The following GABPB1 variants were observed in gnomAD, a reference collection of about 807,000 sequenced individuals.
GABPB1 encodes GA binding protein transcription factor subunit beta 1.
GABPB1 carries 15 observed loss-of-function variants against 45.9 expected under a neutral mutation model. The ratio of observed to expected loss-of-function variants is 0.33; its 90% CI spans 0.22 to 0.50. The LOEUF is 0.50. Among genes scored for constraint, GABPB1 ranks in the 20% least tolerant of loss-of-function variants. The pLI is 0.98. For missense variants in GABPB1, 252 were observed against 457.5 expected (o/e 0.55, Z 4.10); for synonymous variants, 143 against 154.4 (o/e 0.93, Z 0.55).
chr15:50,307,350 G>A (rs951551521), intron 2 of GABPB1, among the ~76,000 whole-genome samples: 2 of 151,958 alleles, frequency 1.3e-5, no homozygotes, highest in African/African-American at 2.4e-5. Context: ...CTTTCTCCTT[G>A]GTAAAGCACC....
In GABPB1 at chr15:50,320,054, G is replaced by A. The variant is rs147915892; in HGVS notation, c.1-10256C>T. On this transcript the variant is annotated intron_variant, in intron 1 of 8. Transcript: ENST00000380877. Reference sequence around the variant, plus strand: ...CTTTTTAAACAAAAACACACAAAGGGGTCAGGCGGGTGGGCAAAAATAAAA... The same window carrying A: ...CTTTTTAAACAAAAACACACAAAGGAGTCAGGCGGGTGGGCAAAAATAAAA... Among the ~76,000 whole-genome samples, 700 of 152,096 alleles carry A rather than the reference G, an allele frequency of 4.6e-3. 7 individuals are homozygous for A. The highest frequency in any genetic ancestry group is 0.016 in the African/African-American group (675 of 41,472).
chr15:50,350,334 C>T lies in GABPB1; in HGVS notation c.-1+4651G>A, dbSNP rs536037442. 14 of 148,088 alleles carry T rather than the reference C, an allele frequency of 9.5e-5. 1 individual carries two copies. The highest frequency in any genetic ancestry group is 3.5e-4 in the African/African-American group (14 of 39,866). The allele number at this position is 148,088 out of a possible 1,614,324, so 9.2% of individuals were successfully genotyped here. ...ACCGTGGGGCTTAAAGGCATTAATA[C>T]ACAGCTTTTATAATCAACAATACTG... is the stretch of plus-strand genomic sequence containing the variant. On this transcript the variant is annotated intron_variant, in intron 1 of 8. Transcript: ENST00000380877.
chr15:50,353,753 A>G (rs978619977), intron 1 of GABPB1: 5 of 152,306 alleles, frequency 3.3e-5, no homozygotes, highest in African/African-American at 1.2e-4. Context: ...AAGAATGACC[A>G]CTAACTTCTG....
At chr15:50,281,482 A>G (rs955605001) in intron 8 of GABPB1, among the ~76,000 whole-genome samples, 182 of 152,300 alleles carry the variant, frequency 1.2e-3, no homozygotes, top group Non-Finnish European at 1.7e-3. Context: ...AAGTGCTAGG[A>G]TTACAGGCGT....
At position 50,309,679 on chromosome 15, in the gene GABPB1, A is replaced by T; in HGVS notation, c.108+12T>A. On this transcript the variant is annotated intron_variant, in intron 2 of 8. Transcript: ENST00000380877. ...AGGAAAAAGAACACACAATATTAAA[A>T]TCATTCTTTACCCAGTCTGTAGTAA... is the stretch of plus-strand genomic sequence containing the variant. 1 of 1,453,874 alleles carries T rather than the reference A, an allele frequency of 6.9e-7. No homozygotes were observed. The highest frequency in any genetic ancestry group is 9.6e-7 in the Non-Finnish European group (1 of 1,036,784). The allele number at this position is 1,453,874 out of a possible 1,614,324, so 90.1% of individuals were successfully genotyped here. A position where few individuals can be genotyped will look rare whatever the true frequency, so the allele number is the denominator to read the frequency against.
At chr15:50,291,777 G>T (rs968337201) in intron 6 of GABPB1, among the ~76,000 whole-genome samples, 1 of 151,974 alleles carries the variant, frequency 6.6e-6, no homozygotes, top group Non-Finnish European at 1.5e-5. Context: ...AATTAGCCAG[G>T]TTTGGTGTTT....
intron 1 of GABPB1, among the ~76,000 whole-genome samples, chr15:50,316,785 T>G (rs532750586): frequency 1.3e-5 from 2 of 152,210 alleles, no homozygotes; most frequent in South Asian, 4.1e-4. Context: ...AATGGAATAC[T>G]GTAGTGATTT....
rs1257732446 is a variant in GABPB1, at chr15:50,315,580, T to A, written c.1-5782A>T. ...AAAATCAAAGGTCCTCTGATTTTCT[T>A]GTCAAGATAATTAGTAAAGTTTTAA... On this transcript the variant is annotated intron_variant, in intron 1 of 8. Transcript: ENST00000380877. Among the ~76,000 whole-genome samples, 6 of 152,256 alleles carry A rather than the reference T, an allele frequency of 3.9e-5. No homozygotes were observed. The East Asian group carries it at 1.2e-3, about 29-fold the overall frequency.
intron 8 of GABPB1, among the ~76,000 whole-genome samples, chr15:50,285,061 T>C (rs993972857): frequency 1.3e-5 from 2 of 152,222 alleles, no homozygotes; most frequent in Non-Finnish European, 2.9e-5. Flanking sequence ...GGGTATTTTC[T>C]CATTGTCTTT....
intron 7 of GABPB1, among the ~76,000 whole-genome samples, 198 bp downstream of exon 7, chr15:50,289,281 CAAAT>C (rs1173501467): frequency 2.0e-5 from 3 of 151,984 alleles, no homozygotes; most frequent in Admixed American, 1.3e-4. Context: ...TTAGCCTAAG[CAAAT>C]AAAATTAGGT....
intron 1 of GABPB1, among the ~76,000 whole-genome samples, chr15:50,322,337 T>C (rs952049145): frequency 9.2e-5 from 14 of 151,508 alleles, no homozygotes; most frequent in African/African-American, 3.4e-4. Flanking sequence ...GAGGATAACT[T>C]GAGGTCAGGA....
intron 1 of GABPB1, among the ~76,000 whole-genome samples, chr15:50,328,650 T>C (rs2047854192): frequency 1.3e-5 from 2 of 152,204 alleles, no homozygotes; most frequent in South Asian, 4.1e-4. Context: ...TGTAAAGTTA[T>C]ATTCTTTTAG....
intron 1 of GABPB1, among the ~76,000 whole-genome samples, chr15:50,342,986 G>A (rs1048873702): frequency 7.3e-5 from 11 of 151,406 alleles, no homozygotes; most frequent in African/African-American, 2.2e-4. Flanking sequence ...CTGCAAGTCC[G>A]CCTCCCGGGT....
chr15:50,329,391 C>T lies in GABPB1; in HGVS notation c.1-19593G>A, dbSNP rs1440525442. Among the ~76,000 whole-genome samples, 6 of 152,250 alleles carry T rather than the reference C, an allele frequency of 3.9e-5. No individual in the cohort carries two copies. The East Asian group carries it at 9.6e-4, about 24-fold the overall frequency. ...TGTGCTTAGCTTCTTTGATTTTATA[C>T]TTGTATCTCTATTGATTCGTAATCA... On this transcript the variant is annotated intron_variant, in intron 1 of 8. Coordinates refer to ENST00000380877, the MANE Select transcript of GABPB1 (RefSeq NM_016654.5).
chr15:50,326,158 C>T (rs1424453387), intron 1 of GABPB1, among the ~76,000 whole-genome samples: 1 of 151,852 alleles, frequency 6.6e-6, no homozygotes, highest in Non-Finnish European at 1.5e-5. Context: ...CCACCCACCT[C>T]GGCCTCCCAA....
At chr15:50,315,484 T>C (rs1444599585) in intron 1 of GABPB1, among the ~76,000 whole-genome samples, 1 of 152,074 alleles carries the variant, frequency 6.6e-6, no homozygotes, top group East Asian at 1.9e-4. Context: ...ATATTTATCA[T>C]AAAAAGGTGG....
chr15:50,286,899 C>T (rs1323403518), intron 7 of GABPB1, among the ~76,000 whole-genome samples: 1 of 152,152 alleles, frequency 6.6e-6, no homozygotes, highest in Non-Finnish European at 1.5e-5. Flanking sequence ...CATGCGAAGC[C>T]ATTTTAATAA....
intron 1 of GABPB1, among the ~76,000 whole-genome samples, chr15:50,311,992 C>T (rs2047144538): frequency 1.3e-5 from 2 of 152,234 alleles, no homozygotes; most frequent in East Asian, 3.9e-4. Context: ...CCCAAACAGG[C>T]CTTCGTCACA....
intron 1 of GABPB1, among the ~76,000 whole-genome samples, chr15:50,345,561 G>A (rs1286877808): frequency 6.6e-6 from 1 of 151,586 alleles, no homozygotes; most frequent in Non-Finnish European, 1.5e-5. Context: ...CCCTGTCTTC[G>A]AAAAAAAAGT....
Sources: gnomAD v4.1 joint callset for allele counts (sites outside exome capture counted in the v4.1 genomes callset) on GRCh38, gnomAD v4.1.1 for gene constraint, MANE v1.5 for transcripts, NCBI Gene and HGNC (gene_info 2026-07-23, HGNC 2026-07-21) for gene names.